Variants in ZDHHC14 observed in about 807,000 individuals in gnomAD.
ZDHHC14 encodes palmitoyltransferase ZDHHC14.
Under a neutral mutation model 47.7 loss-of-function variants are expected in ZDHHC14, and 16 were observed. That is an observed-to-expected ratio of 0.34 (90% CI 0.23 to 0.51). ZDHHC14 has a LOEUF of 0.51. ZDHHC14 is among the 20% of genes least tolerant of loss of function. The probability of loss-of-function intolerance (pLI) is 0.97; values close to 1 mark genes in which losing one functional copy is unlikely to be tolerated. For missense variants in ZDHHC14, 515 were observed against 662.5 expected, an observed-to-expected ratio of 0.78 and a Z score of 2.44; for synonymous variants, 293 against 278.9, an observed-to-expected ratio of 1.05 and a Z score of -0.50.
At position 157,565,960 on chromosome 6, in the gene ZDHHC14, T is replaced by C. The variant is rs4708855; in HGVS notation, c.406+23215T>C. The stretch of plus-strand genomic sequence containing the variant: ...GGTGGCAGAACGGGGACAATATAAC[T>C]CGGTTTCTTGATTCCCAGGAAAACG... On this transcript the variant is annotated intron_variant, in intron 2 of 8. Coordinates refer to ENST00000359775, the MANE Select transcript of ZDHHC14 (RefSeq NM_024630.3). 9.7e-3 allele frequency among the ~76,000 whole-genome samples: 1,477 copies of C among 152,230 alleles called. 44 individuals are homozygous for C. The highest frequency in any genetic ancestry group is 0.088 in the East Asian group (457 of 5,188).
At position 157,673,405 on chromosome 6, in the gene ZDHHC14, AGT is replaced by A. The variant is rs1778898138; in HGVS notation, c.*288_*289del. The A allele has an allele frequency of 2.0e-6, 1 of 488,862 alleles. No homozygotes were observed. The highest frequency in any genetic ancestry group is 3.2e-5 in the South Asian group (1 of 31,276). 30.3% of individuals were successfully genotyped at this position (488,862 alleles called of 1,614,324 possible). ...GGTGACCCTCCAGGGGTGGAATCGG[AGT>A]GTGTCTGCCCGCCCTTGTGACAGAC... On this transcript the variant is annotated 3_prime_UTR_variant, in exon 9 of 9. Coordinates refer to ENST00000359775, the MANE Select transcript of ZDHHC14 (RefSeq NM_024630.3). This position sits in a 1 kb window ranked among gnomAD's most constrained non-coding sequence, Gnocchi z 5.4.
intron 3 of ZDHHC14, among the ~76,000 whole-genome samples, chr6:157,593,699 G>A (rs1285737137): frequency 6.6e-6 from 1 of 152,256 alleles, no homozygotes; most frequent in Non-Finnish European, 1.5e-5. Flanking sequence ...AGAGGGAACT[G>A]AGAGCTCAGA....
chr6:157,401,045 CT>C (rs1349222960), intron 1 of ZDHHC14, among the ~76,000 whole-genome samples: 1 of 152,200 alleles, frequency 6.6e-6, no homozygotes, highest in African/African-American at 2.4e-5. Flanking sequence ...ACAGCCAAAA[CT>C]TGCTGTTAAA....
intron 1 of ZDHHC14, among the ~76,000 whole-genome samples, chr6:157,501,702 A>T (rs937141377): frequency 6.6e-6 from 1 of 152,240 alleles, no homozygotes; most frequent in African/African-American, 2.4e-5. Flanking sequence ...AACAAAGGCC[A>T]TGATTTTTGC....
Position 157,511,547 on chromosome 6 carries a change from C to CTTTTTTT in ZDHHC14, c.246-31026_246-31020dup, listed in dbSNP as rs34988240. Among the ~76,000 whole-genome samples the CTTTTTTT allele has an allele frequency of 3.3e-3, 383 of 114,846 alleles. 12 individuals carry two copies. Among genetic ancestry groups the CTTTTTTT allele is most frequent in the African/African-American group, 0.013 (346 of 26,704 alleles). The allele number at this position is 114,846 out of a possible 152,430, so 75.3% of individuals were successfully genotyped here. On this transcript the variant is annotated intron_variant, in intron 1 of 8. Coordinates refer to ENST00000359775, the MANE Select transcript of ZDHHC14 (RefSeq NM_024630.3). ...AGGCATGCGCCACGAAGCCCGGGTA[C>CTTTTTTT]TTTTTTTTTTTTTTTTTTGTATTTT...
intron 2 of ZDHHC14, among the ~76,000 whole-genome samples, chr6:157,549,681 C>G (rs1470165898): frequency 6.6e-6 from 1 of 152,092 alleles, no homozygotes. Context: ...GAACTGGAAA[C>G]CAGATGTCAC....
At chr6:157,561,184 C>T (rs369416314) in intron 2 of ZDHHC14, among the ~76,000 whole-genome samples, 3 of 152,164 alleles carry the variant, frequency 2.0e-5, no homozygotes, top group East Asian at 3.9e-4. Context: ...CTGAGAACGA[C>T]ATTCACTCTG....
chr6:157,641,262 G>A (rs542795589), intron 5 of ZDHHC14, among the ~76,000 whole-genome samples: 1 of 152,258 alleles, frequency 6.6e-6, no homozygotes, highest in African/African-American at 2.4e-5. Flanking sequence ...GACAATGGGT[G>A]TGCCATCTCT....
At chr6:157,553,876 G>T (rs1056066420) in intron 2 of ZDHHC14, among the ~76,000 whole-genome samples, 17 of 152,306 alleles carry the variant, frequency 1.1e-4, no homozygotes, top group African/African-American at 3.8e-4. Flanking sequence ...TTAGAGAGAG[G>T]ACAGGGAAAG....
chr6:157,647,547 AC>A (rs1252599532), intron 7 of ZDHHC14, among the ~76,000 whole-genome samples, 179 bp downstream of exon 7: 1 of 152,056 alleles, frequency 6.6e-6, no homozygotes, highest in Non-Finnish European at 1.5e-5. Flanking sequence ...CACACTTCAC[AC>A]CTTTTTTGAT....
At chr6:157,400,307 G>A (rs987880318) in intron 1 of ZDHHC14, among the ~76,000 whole-genome samples, 6 of 152,140 alleles carry the variant, frequency 3.9e-5, no homozygotes, top group Non-Finnish European at 8.8e-5. Flanking sequence ...CCTGAGAGCT[G>A]CTCCCAGCAC....
At chr6:157,569,379 ATAAT>A (rs1410532684) in intron 2 of ZDHHC14, among the ~76,000 whole-genome samples, 4 of 152,082 alleles carry the variant, frequency 2.6e-5, no homozygotes, top group Non-Finnish European at 5.9e-5. Flanking sequence ...AAATAAAATA[ATAAT>A]TAATAATAAT....
intron 2 of ZDHHC14, among the ~76,000 whole-genome samples, chr6:157,591,269 C>A (rs919480671): frequency 6.6e-6 from 1 of 152,064 alleles, no homozygotes; most frequent in Admixed American, 6.6e-5. Flanking sequence ...GGGCCAGGGG[C>A]AGAATGATAT....
chr6:157,384,196 C>CACA (rs1281298283), intron 1 of ZDHHC14, among the ~76,000 whole-genome samples: 3 of 152,200 alleles, frequency 2.0e-5, no homozygotes, highest in African/African-American at 7.2e-5. Flanking sequence ...GAGCTTCAGC[C>CACA]ACAAGTGTGC....
intron 3 of ZDHHC14, among the ~76,000 whole-genome samples, chr6:157,620,272 C>T (rs763127546): frequency 3.9e-5 from 6 of 152,148 alleles, no homozygotes; most frequent in Non-Finnish European, 7.4e-5. Context: ...GGCGAGGGGG[C>T]TGGGCATGCT....
rs568650787 is a variant in ZDHHC14, at chr6:157,465,348, T to G, written c.246-77237T>G. 3.9e-5 allele frequency among the ~76,000 whole-genome samples: 6 copies of G among 152,222 alleles called. No homozygotes were observed. In the East Asian group the frequency reaches 5.8e-4, roughly 15 times the overall value. ...TAATTTTGTGGTTCTGACTCACTGT[T>G]ATTTATGAGAGCTTTTCTGAGAATT... On this transcript the variant is annotated intron_variant, in intron 1 of 8. Transcript: ENST00000359775.
chr6:157,401,272 C>A (rs2800450), intron 1 of ZDHHC14, among the ~76,000 whole-genome samples: 122,391 of 152,222 alleles, frequency 0.8, 49,411 homozygotes, highest in Middle Eastern at 0.92. Context: ...AAAAATATGT[C>A]AAAATAGGCA....
chr6:157,472,540 A>T (rs1380593024), intron 1 of ZDHHC14, among the ~76,000 whole-genome samples: 2 of 152,048 alleles, frequency 1.3e-5, no homozygotes, highest in African/African-American at 2.4e-5. Context: ...CTGAGAAAAC[A>T]CAATTATGCA....
intron 1 of ZDHHC14, among the ~76,000 whole-genome samples, chr6:157,492,200 G>GCCCCCC (rs200680158): frequency 7.4e-5 from 6 of 81,158 alleles, no homozygotes; most frequent in Admixed American, 2.6e-4. Flanking sequence ...TCCCCCCTCC[G>GCCCCCC]CCCCCGCCCC....
Sources: gnomAD v4.1 joint callset for allele counts (sites outside exome capture counted in the v4.1 genomes callset) on GRCh38, gnomAD v4.1.1 for gene constraint, Gnocchi (gnomAD v3.1) non-coding constraint, MANE v1.5 for transcripts, NCBI Gene and HGNC (gene_info 2026-07-23, HGNC 2026-07-21) for gene names.